The following UBXN2A variants were observed in gnomAD, a reference collection of about 807,000 sequenced individuals.
UBXN2A encodes UBX domain protein 2A.
A neutral mutation model predicts 28.4 loss-of-function variants in UBXN2A; 28 were observed. The ratio of observed to expected loss-of-function variants is 0.99; its 90% CI spans 0.73 to 1.35. UBXN2A has a LOEUF of 1.35. Among genes scored for constraint, UBXN2A ranks in the 40% most tolerant of loss-of-function variants. The pLI is 0.00. For missense variants in UBXN2A, 253 were observed against 297.9 expected (o/e 0.85, Z 1.11); for synonymous variants, 97 against 103.6 (o/e 0.94, Z 0.39).
intron 6 of UBXN2A, among the ~76,000 whole-genome samples, chr2:23,988,578 C>T (rs1037521558): frequency 2.0e-5 from 3 of 152,166 alleles, no homozygotes; most frequent in Non-Finnish European, 2.9e-5. Flanking sequence ...CAACAGGTGG[C>T]ATCATTTACA....
intron 1 of UBXN2A, among the ~76,000 whole-genome samples, chr2:23,928,086 GAA>G (rs1435033963): frequency 6.6e-6 from 1 of 151,348 alleles, no homozygotes; most frequent in Non-Finnish European, 1.5e-5. Flanking sequence ...TGAGGCATGA[GAA>G]CCACTTGAAC....
At chr2:23,990,612 A>C (rs1450348619) in intron 6 of UBXN2A, among the ~76,000 whole-genome samples, 1 of 151,692 alleles carries the variant, frequency 6.6e-6, no homozygotes, top group African/African-American at 2.4e-5. Flanking sequence ...CATCTCCACA[A>C]AAAATACAAA....
intron 2 of UBXN2A, among the ~76,000 whole-genome samples, chr2:23,962,900 G>A (rs977399447): frequency 2.6e-5 from 4 of 152,138 alleles, no homozygotes; most frequent in African/African-American, 4.8e-5. Flanking sequence ...ATGAGCCACC[G>A]CGTCCGGCAA....
rs922061908 is a variant in UBXN2A, at chr2:24,002,497, C to G, written c.*2630C>G. The G allele has an allele frequency of 1.3e-5, 2 of 151,976 alleles. No homozygotes were observed. Among genetic ancestry groups the G allele is most frequent in the Admixed American group, 6.6e-5 (1 of 15,230 alleles). 9.4% of individuals were successfully genotyped at this position (151,976 alleles called of 1,614,324 possible). On this transcript the variant is annotated 3_prime_UTR_variant, in exon 7 of 7. Transcript: ENST00000309033. Reference sequence around the variant, plus strand: ...GCGATCTTGGCTCACTGCAACTTGTCCCCCCGGGTTCAAGCGATTCTTCTG... The same window carrying G: ...GCGATCTTGGCTCACTGCAACTTGTGCCCCCGGGTTCAAGCGATTCTTCTG...
chr2:24,003,180 A>G lies in UBXN2A; in HGVS notation c.*3313A>G, dbSNP rs1168457296. The G allele has an allele frequency of 6.6e-6, 1 of 152,208 alleles. No individual in the cohort carries two copies. Among genetic ancestry groups the G allele is most frequent in the Non-Finnish European group, 1.5e-5 (1 of 68,036 alleles). 9.4% of individuals were successfully genotyped at this position (152,208 alleles called of 1,614,324 possible). ...TGATTCTTAAGTATGTGGTGGAAGT[A>G]CCTTTCTTCAGGAAATTCTGTCCTA... On this transcript the variant is annotated 3_prime_UTR_variant, in exon 7 of 7. Transcript: ENST00000309033.
intron 6 of UBXN2A, among the ~76,000 whole-genome samples, chr2:23,992,461 A>T (rs1176444602): frequency 6.6e-6 from 1 of 152,234 alleles, no homozygotes; most frequent in Non-Finnish European, 1.5e-5. Flanking sequence ...TCTTCGTGGC[A>T]TCTCTGCATC....
At chr2:23,933,268 A>T (rs1202830655) in intron 1 of UBXN2A, among the ~76,000 whole-genome samples, 1 of 152,222 alleles carries the variant, frequency 6.6e-6, no homozygotes, top group Admixed American at 6.5e-5. Context: ...GCACTTTGGG[A>T]GGCCAAGGCA....
chr2:23,949,035 G>C (rs1706230964), intron 1 of UBXN2A, among the ~76,000 whole-genome samples: 1 of 147,328 alleles, frequency 6.8e-6, no homozygotes, highest in South Asian at 2.2e-4. Flanking sequence ...CCATCTCCCT[G>C]GTTCAAGTGA....
chr2:23,988,529 G>T (rs1436785525), intron 6 of UBXN2A, among the ~76,000 whole-genome samples: 1 of 152,156 alleles, frequency 6.6e-6, no homozygotes, highest in South Asian at 2.1e-4. Context: ...TTTGGCAGGG[G>T]TGTGACAGAA....
chr2:23,995,843 A>G (rs1463226261), intron 6 of UBXN2A, among the ~76,000 whole-genome samples: 1 of 152,170 alleles, frequency 6.6e-6, no homozygotes, highest in Non-Finnish European at 1.5e-5. Flanking sequence ...TACTTCAATA[A>G]AAGCCATTTC....
chr2:23,950,205 G>A (rs926102670), intron 1 of UBXN2A, among the ~76,000 whole-genome samples: 2 of 152,060 alleles, frequency 1.3e-5, no homozygotes, highest in Admixed American at 1.3e-4. Context: ...CTTAGGAGGA[G>A]ACTATTACTA....
At chr2:23,990,492 C>T (rs932659855) in intron 6 of UBXN2A, among the ~76,000 whole-genome samples, 2 of 125,616 alleles carry the variant, frequency 1.6e-5, no homozygotes, top group African/African-American at 3.0e-5. Context: ...TGCAGCTGGG[C>T]GTGGTGGCTC....
intron 4 of UBXN2A, 119 bp from the exon 5 acceptor site, chr2:23,982,777 T>C: frequency 9.4e-7 from 1 of 1,059,852 alleles, no homozygotes; most frequent in Non-Finnish European, 1.3e-6. Flanking sequence ...TATTTCATTG[T>C]ATAGAATATT....
chr2:23,976,052 C>T (rs1234849316), intron 3 of UBXN2A, among the ~76,000 whole-genome samples: 2 of 152,298 alleles, frequency 1.3e-5, no homozygotes, highest in East Asian at 3.9e-4. Context: ...TATGTATTCA[C>T]TTCGTATTAT....
chr2:23,964,134 C>CAA (rs70944703), intron 2 of UBXN2A, among the ~76,000 whole-genome samples: 5 of 124,170 alleles, frequency 4.0e-5, no homozygotes, highest in African/African-American at 1.5e-4. Context: ...GATCCTGTCT[C>CAA]AAAAAAAAAA....
At chr2:23,956,949 A>G (rs1430548382) in intron 1 of UBXN2A, among the ~76,000 whole-genome samples, 1 of 152,158 alleles carries the variant, frequency 6.6e-6, no homozygotes, top group African/African-American at 2.4e-5. Flanking sequence ...GCTGATGCTC[A>G]AGTCCCTTGC....
Position 23,999,717 on chromosome 2 carries a change from A to G in UBXN2A, c.630A>G (p.Gln210=), listed in dbSNP as rs749526161. 44 of 1,614,062 alleles carry G rather than the reference A, an allele frequency of 2.7e-5. No homozygotes were observed. The Admixed American group carries it at 3.5e-4, about 13-fold the overall frequency. ...KDFIEKYQGS[Q]RSPPFSLATA... ...TCATTGAAAAATACCAAGGATCTCA[A>G]AGAAGTCCTCCGTTTTCCCTGGCAA... The change falls in exon 7 of 7, where the codon CAA becomes CAG. Residue 210 remains glutamine, a synonymous_variant. Transcript: ENST00000309033.
rs775097228 is a variant in UBXN2A, at chr2:23,977,052, G to A, written c.264G>A (p.Gln88=). 1.2e-6 allele frequency: 2 copies of A among 1,612,700 alleles called. No individual in the cohort carries two copies. Among genetic ancestry groups the A allele is most frequent in the Admixed American group, 3.3e-5 (2 of 59,970 alleles). Residue 88 remains glutamine (Q), a synonymous_variant, in exon 4 of 7, where the codon CAG becomes CAA. Transcript: ENST00000309033. ...GTTATTCCGATGGTGCCAGTCAGCA[G>A]TTTTTGAACTCCATCAAAAAGGGGT... is the stretch of plus-strand genomic sequence containing the variant. ...FRSYSDGASQ[Q]FLNSIKKGEL... is the part of the protein sequence containing the mutation.
chr2:23,971,440 T>A (rs756100728), intron 3 of UBXN2A, 26 bp downstream of exon 3: 3 of 1,504,706 alleles, frequency 2.0e-6, no homozygotes, highest in Middle Eastern at 1.9e-4. Flanking sequence ...TTACTTTTCT[T>A]TTTCTTTCAG....
Sources: allele counts gnomAD v4.1 joint callset (sites outside exome capture counted in the v4.1 genomes callset), GRCh38; gene constraint gnomAD v4.1.1; transcripts MANE v1.5; gene names NCBI Gene and HGNC (gene_info 2026-07-23, HGNC 2026-07-21).